The following PLEKHD1 variants were observed in gnomAD, a reference collection of about 807,000 sequenced individuals.
PLEKHD1 encodes the protein pleckstrin homology domain-containing family D member 1.
A neutral mutation model predicts 69.2 loss-of-function variants in PLEKHD1; 51 were observed. That is an observed-to-expected ratio of 0.74 (90% CI 0.59 to 0.93). PLEKHD1 has a LOEUF of 0.93. PLEKHD1 is among the 40% of genes least tolerant of loss of function. The pLI is 0.00. For missense variants in PLEKHD1, 584 were observed against 641.0 expected, an observed-to-expected ratio of 0.91 and a Z score of 0.96; for synonymous variants, 236 against 244.7, an observed-to-expected ratio of 0.96 and a Z score of 0.33.
At chr14:69,483,680 A>G (rs1882588392), upstream of PLEKHD1, among the ~76,000 whole-genome samples, 1 of 152,272 alleles carries the variant, frequency 6.6e-6, no homozygotes, top group African/African-American at 2.4e-5. Flanking sequence ...CGGGCTAACC[A>G]TTTGTAAACT....
chr14:69,488,112 G>C (rs543816079), intron 1 of PLEKHD1, among the ~76,000 whole-genome samples: 1 of 152,308 alleles, frequency 6.6e-6, no homozygotes, highest in East Asian at 1.9e-4. Flanking sequence ...CAGAGCATCG[G>C]TGGGTCCCTG....
chr14:69,468,393 GATAA>G, the PLEKHD1 span, among the ~76,000 whole-genome samples: 2 of 152,174 alleles, frequency 1.3e-5, no homozygotes, highest in Non-Finnish European at 2.9e-5. Context: ...GAAGGGCAGA[GATAA>G]ATGAATACAA....
the PLEKHD1 span, among the ~76,000 whole-genome samples, chr14:69,475,385 C>T: frequency 6.6e-6 from 1 of 152,224 alleles, no homozygotes; most frequent in Non-Finnish European, 1.5e-5. Flanking sequence ...CTGCCCACAG[C>T]GATGCCGGTG....
At chr14:69,476,897 G>A in the PLEKHD1 span, among the ~76,000 whole-genome samples, 6 of 152,212 alleles carry the variant, frequency 3.9e-5, no homozygotes, top group Non-Finnish European at 7.3e-5. Flanking sequence ...AGTTCCATGC[G>A]GCTGGGGAAG....
At chr14:69,489,581 A>G (rs1882729344) in intron 1 of PLEKHD1, among the ~76,000 whole-genome samples, 1 of 143,280 alleles carries the variant, frequency 7.0e-6, no homozygotes, top group African/African-American at 2.6e-5. Flanking sequence ...AAAAAAAAAA[A>G]GGAAAAAAAA....
intron 1 of PLEKHD1, among the ~76,000 whole-genome samples, chr14:69,493,035 G>A (rs1227959146): frequency 6.6e-6 from 1 of 152,202 alleles, no homozygotes; most frequent in Non-Finnish European, 1.5e-5. Flanking sequence ...ACAAAGTACT[G>A]GGATTACAGG....
chr14:69,498,361 G>A (rs964470019), intron 1 of PLEKHD1, among the ~76,000 whole-genome samples: 2 of 152,074 alleles, frequency 1.3e-5, no homozygotes, highest in African/African-American at 4.8e-5. Flanking sequence ...TTACAGGTGT[G>A]AGCCATCGCA....
At chr14:69,501,159 G>A in intron 4 of PLEKHD1, 1 of 593,768 alleles carries the variant, frequency 1.7e-6, no homozygotes, top group Non-Finnish European at 3.0e-6. Context: ...GGTCACAGGT[G>A]GCAGGTGTGG....
intron 6 of PLEKHD1, among the ~76,000 whole-genome samples, chr14:69,513,343 A>C (rs1454981184): frequency 6.6e-6 from 1 of 152,232 alleles, no homozygotes; most frequent in Non-Finnish European, 1.5e-5. Context: ...GCAGATTGAC[A>C]GAGACTCCAG....
the PLEKHD1 span, among the ~76,000 whole-genome samples, chr14:69,470,290 C>T: frequency 1.3e-5 from 2 of 151,664 alleles, no homozygotes; most frequent in African/African-American, 4.8e-5. Context: ...TGGTGAAACC[C>T]CATCTCTACT....
upstream of PLEKHD1, among the ~76,000 whole-genome samples, chr14:69,483,824 G>T (rs1882591876): frequency 6.6e-6 from 1 of 152,182 alleles, no homozygotes; most frequent in African/African-American, 2.4e-5. Context: ...AGGCAGCTGT[G>T]CCAGCCTAGC....
chr14:69,507,213 CAT>C (rs2139512566), intron 6 of PLEKHD1, among the ~76,000 whole-genome samples: 1 of 152,156 alleles, frequency 6.6e-6, no homozygotes, highest in Non-Finnish European at 1.5e-5. Flanking sequence ...TTACTGTATC[CAT>C]AGTTTTGCCT....
chr14:69,515,340 GC>G (rs985184311), intron 6 of PLEKHD1, among the ~76,000 whole-genome samples: 3 of 152,092 alleles, frequency 2.0e-5, no homozygotes, highest in Admixed American at 6.5e-5. Context: ...CCTAAGATTG[GC>G]CCCCCCTGGA....
intron 8 of PLEKHD1, among the ~76,000 whole-genome samples, chr14:69,524,678 C>A (rs1445683723): frequency 6.6e-6 from 1 of 152,170 alleles, no homozygotes; most frequent in Non-Finnish European, 1.5e-5. Context: ...GTCTTGTTCG[C>A]TTAGCTGCTC....
intron 6 of PLEKHD1, among the ~76,000 whole-genome samples, chr14:69,504,523 C>T (rs547524873): frequency 1.3e-3 from 202 of 151,336 alleles, no homozygotes; most frequent in Middle Eastern, 3.4e-3. Context: ...TGGCCCAAGA[C>T]GAGTTCTTGG....
At chr14:69,482,183 G>C (rs1320933252), upstream of PLEKHD1, among the ~76,000 whole-genome samples, 1 of 152,210 alleles carries the variant, frequency 6.6e-6, no homozygotes, top group Non-Finnish European at 1.5e-5. Flanking sequence ...GTTGCTCTTT[G>C]TCATTGAAGA....
At chr14:69,481,455 T>C (rs766570538), upstream of PLEKHD1, among the ~76,000 whole-genome samples, 2 of 152,144 alleles carry the variant, frequency 1.3e-5, no homozygotes, top group African/African-American at 4.8e-5. Flanking sequence ...TTGAGAAAAA[T>C]TCCTGAAAAG....
intron 6 of PLEKHD1, among the ~76,000 whole-genome samples, chr14:69,520,097 G>A (rs1283400384): frequency 6.7e-6 from 1 of 149,908 alleles, no homozygotes; most frequent in Non-Finnish European, 1.5e-5. Context: ...AACCAGGGAG[G>A]CGGAGTTTGC....
At chr14:69,514,357 C>T (rs1883335245) in intron 6 of PLEKHD1, among the ~76,000 whole-genome samples, 2 of 151,764 alleles carry the variant, frequency 1.3e-5, no homozygotes, top group Admixed American at 6.6e-5. Context: ...TGTCCAGTCT[C>T]GCAATGATCC....
Sources: gnomAD v4.1 joint callset for allele counts (sites outside exome capture counted in the v4.1 genomes callset) on GRCh38, gnomAD v4.1.1 for gene constraint, MANE v1.5 for transcripts, NCBI Gene and HGNC (gene_info 2026-07-23, HGNC 2026-07-21) for gene names.